The following LRRK2 variants were observed in gnomAD, a reference collection of about 807,000 sequenced individuals.
The protein encoded by LRRK2 is leucine rich repeat kinase 2, also known as leucine-rich repeat serine/threonine-protein kinase 2.
Under a neutral mutation model 302.6 loss-of-function variants are expected in LRRK2, and 203 were observed. That is an observed-to-expected ratio of 0.67 (90% CI 0.60 to 0.75). LRRK2 has a LOEUF of 0.75. Among genes scored for constraint, LRRK2 ranks in the 30% least tolerant of loss-of-function variants. LRRK2 has a pLI of 0.00. For synonymous variants in LRRK2, 1,066 were observed against 1,031.9 expected (o/e 1.03, Z -0.63); for missense variants, 2,830 against 2,951.0 (o/e 0.96, Z 0.95).
At chr12:40,284,677 A>G (rs1274561783) in intron 19 of LRRK2, among the ~76,000 whole-genome samples, 3 of 152,078 alleles carry the variant, frequency 2.0e-5, no homozygotes, top group Admixed American at 6.6e-5. Flanking sequence ...TATTGATGGT[A>G]AGTTACCATC....
chr12:40,343,143 C>G (rs944241219), intron 41 of LRRK2, among the ~76,000 whole-genome samples: 7 of 152,208 alleles, frequency 4.6e-5, no homozygotes, highest in African/African-American at 1.7e-4. Flanking sequence ...GACGCAGAGA[C>G]AGAAACAATG....
At chr12:40,304,915 T>A (rs1476858179) in intron 27 of LRRK2, 1 of 152,124 alleles carries the variant, frequency 6.6e-6, no homozygotes, top group African/African-American at 2.4e-5. Context: ...ATGCTGTGTG[T>A]CATTGTATCA....
At chr12:40,328,606 G>A (rs1370932133) in intron 39 of LRRK2, 146 bp downstream of exon 39, 6 of 644,186 alleles carry the variant, frequency 9.3e-6, no homozygotes, top group East Asian at 2.9e-5. Flanking sequence ...TCTTTTCGTT[G>A]TGGAGTAGAA....
rs1946349041 is a variant in LRRK2, at chr12:40,351,473, T to A, written c.6382-66T>A. ...CAGAGCTATAACACTTCAGTCTATA[T>A]TTGATTTTTCAAGGGAAATGAGTTA... On this transcript the variant is annotated intron_variant, in intron 43 of 50. Coordinates refer to ENST00000298910, the MANE Select transcript of LRRK2 (RefSeq NM_198578.4). 7.9e-6 allele frequency: 12 copies of A among 1,517,468 alleles called. No homozygotes were observed. In the South Asian group the frequency reaches 1.3e-4, roughly 16 times the overall value. 94.0% of individuals were successfully genotyped at this position (1,517,468 alleles called of 1,614,324 possible).
At chr12:40,260,697 A>G (rs1007596526) in intron 13 of LRRK2, among the ~76,000 whole-genome samples, 1 of 152,164 alleles carries the variant, frequency 6.6e-6, no homozygotes, top group African/African-American at 2.4e-5. Flanking sequence ...GATGATAGAC[A>G]GGGAGAGAGA....
At chr12:40,365,456 T>C (rs1359025531) in intron 49 of LRRK2, 1 of 170,002 alleles carries the variant, frequency 5.9e-6, no homozygotes, top group South Asian at 1.4e-4. Flanking sequence ...ATAACAAATC[T>C]TTTTTCTTGC....
In LRRK2 at chr12:40,348,453, AAATT is replaced by A. The variant is rs747108466; in HGVS notation, c.6332_6335del (p.Ile2111AsnfsTer4). 1 of 1,612,990 alleles carries A rather than the reference AAATT, an allele frequency of 6.2e-7. No homozygotes were observed. Among genetic ancestry groups the A allele is most frequent in the Non-Finnish European group, 8.5e-7 (1 of 1,179,232 alleles). On this transcript the variant is annotated frameshift_variant, in exon 43 of 51. Transcript: ENST00000298910. LOFTEE classifies it high-confidence loss of function. ...TTGTGCCCCATGGCCTATGGTTGAG[AAATT>A]AATTAAACAGTGTTTGAAAGAAAAT...
At position 40,364,881 on chromosome 12, in the gene LRRK2, A is replaced by G. The variant is rs749925919; in HGVS notation, c.7221A>G (p.Lys2407=). ...AAGAAAACAAGGAATCAAAACACAA[A>G]ATGTCTTATTCTGGGAGAGTGAAAA... ...MVKENKESKH[K]MSYSGRVKTL... The change falls in exon 49 of 51, where the codon AAA becomes AAG. Residue 2407 remains lysine (K), a synonymous_variant. Coordinates refer to ENST00000298910, the MANE Select transcript of LRRK2 (RefSeq NM_198578.4). 2.5e-6 allele frequency: 4 copies of G among 1,612,360 alleles called. No individual in the cohort carries two copies. In the South Asian group the frequency reaches 3.3e-5, roughly 13 times the overall value.
chr12:40,310,282 A>G, intron 30 of LRRK2, 149 bp from the exon 31 acceptor site: 1 of 806,898 alleles, frequency 1.2e-6, no homozygotes, highest in Non-Finnish European at 2.1e-6. Flanking sequence ...GGTTTAAGGA[A>G]AAAAGGACAG....
intron 33 of LRRK2, among the ~76,000 whole-genome samples, chr12:40,317,918 C>T (rs1343557401): frequency 6.6e-6 from 1 of 152,042 alleles, no homozygotes; most frequent in Non-Finnish European, 1.5e-5. Flanking sequence ...CGTGGTTCTG[C>T]TCCACATGGT....
chr12:40,310,665 G>C lies in LRRK2; in HGVS notation c.4536+16G>C, dbSNP rs200107008. On this transcript the variant is annotated intron_variant, in intron 31 of 50. Coordinates refer to ENST00000298910, the MANE Select transcript of LRRK2 (RefSeq NM_198578.4). ...TAATTTCAAGGTAACATGGTAGGCT[G>C]GTAGAGAAATGTAATTTATTGATTC... 1.2e-6 allele frequency: 2 copies of C among 1,610,240 alleles called. No homozygotes were observed. The highest frequency in any genetic ancestry group is 4.5e-5 in the East Asian group (2 of 44,854).
Position 40,293,889 on chromosome 12 carries a change from T to G in LRRK2, c.2808+226T>G, listed in dbSNP as rs546054577. Among the ~76,000 whole-genome samples the G allele has an allele frequency of 2.5e-3, 205 of 81,562 alleles. 5 individuals carry two copies. The highest frequency in any genetic ancestry group is 8.1e-3 in the African/African-American group (192 of 23,734). 53.5% of individuals were successfully genotyped at this position (81,562 alleles called of 152,430 possible). Reference sequence around the variant, plus strand: ...TTGAGTATGCAGGGTATGAATTTTTTGGGGCACATATATATATATATATAT... The same window carrying G: ...TTGAGTATGCAGGGTATGAATTTTTGGGGGCACATATATATATATATATAT... On this transcript the variant is annotated intron_variant, in intron 21 of 50. Transcript: ENST00000298910.
rs1397090256 is a variant in LRRK2 at position 40,340,345 on chromosome 12, G to T, written c.6000G>T (p.Val2000=). Residue 2000 remains valine, a synonymous_variant, in exon 41 of 51, where the codon GTG becomes GTT. Coordinates refer to ENST00000298910, the MANE Select transcript of LRRK2 (RefSeq NM_198578.4). ...IIYRDLKPHN[V]LLFTLYPNAA... ...ACCGAGACCTGAAACCCCACAATGT[G>T]CTGCTTTTCACACTGTATCCCAATG... 1.2e-6 allele frequency: 2 copies of T among 1,613,848 alleles called. No individual in the cohort carries two copies. The highest frequency in any genetic ancestry group is 2.2e-5 in the South Asian group (2 of 91,060).
intron 33 of LRRK2, chr12:40,316,477 AATG>A (rs1292497035): frequency 8.7e-6 from 3 of 345,628 alleles, no homozygotes; most frequent in Non-Finnish European, 1.2e-5. Flanking sequence ...TCAATTATTA[AATG>A]ATAATGGAGA....
chr12:40,231,929 G>T (rs1383410446), intron 2 of LRRK2, among the ~76,000 whole-genome samples: 1 of 151,480 alleles, frequency 6.6e-6, no homozygotes, highest in Non-Finnish European at 1.5e-5. Flanking sequence ...TCAGCCTCCC[G>T]AGTAGCTGAG....
chr12:40,361,264 G>GT (rs1439231718), intron 47 of LRRK2, among the ~76,000 whole-genome samples: 41 of 151,932 alleles, frequency 2.7e-4, no homozygotes, highest in Non-Finnish European at 1.2e-4. Context: ...TTACTAGTAT[G>GT]TGGTTAACAT....
intron 38 of LRRK2, among the ~76,000 whole-genome samples, chr12:40,323,588 G>A (rs1482248793): frequency 2.0e-5 from 3 of 152,046 alleles, no homozygotes; most frequent in African/African-American, 7.2e-5. Context: ...AATTGCCAGG[G>A]ATATGGGAGG....
intron 30 of LRRK2, 133 bp from the exon 31 acceptor site, chr12:40,310,295 GTTC>G: frequency 1.2e-6 from 1 of 843,562 alleles, no homozygotes; most frequent in East Asian, 2.5e-5. Flanking sequence ...AAGGACAGTT[GTTC>G]TTTTCTTCTT....
Position 40,312,281 on chromosome 12 carries a change from A to G in LRRK2, c.4536+1632A>G, listed in dbSNP as rs192132657. Among the ~76,000 whole-genome samples, 4 of 152,260 alleles carry G rather than the reference A, an allele frequency of 2.6e-5. No homozygotes were observed. In the East Asian group the frequency reaches 7.7e-4, roughly 29 times the overall value. ...AGGAAATAAAACAAATGCTTTGAGAAATACCAGTATTATTGAAAGAAAAGT... is the reference window on the plus strand; with the variant it reads ...AGGAAATAAAACAAATGCTTTGAGAGATACCAGTATTATTGAAAGAAAAGT... On this transcript the variant is annotated intron_variant, in intron 31 of 50. Coordinates refer to ENST00000298910, the MANE Select transcript of LRRK2 (RefSeq NM_198578.4).
Sources: allele counts gnomAD v4.1 joint callset (sites outside exome capture counted in the v4.1 genomes callset), GRCh38; gene constraint gnomAD v4.1.1; transcripts MANE v1.5; gene names NCBI Gene and HGNC (gene_info 2026-07-23, HGNC 2026-07-21).